Variants in MECOM observed in about 807,000 individuals in gnomAD.
MECOM encodes MDS1 and EVI1 complex locus, also known as histone-lysine N-methyltransferase MECOM.
A neutral mutation model predicts 116.3 loss-of-function variants in MECOM; 13 were observed. The ratio of observed to expected loss-of-function variants is 0.11; its 90% CI spans 0.07 to 0.18. MECOM has a LOEUF of 0.18. Ranked by LOEUF, MECOM falls within the 10% of genes least tolerant of loss-of-function variation. The pLI, the probability that MECOM is intolerant of heterozygous loss-of-function variation, is 1.00. For synonymous variants in MECOM, 528 were observed against 535.2 expected (o/e 0.99, Z 0.19); for missense variants, 1,299 against 1,509.0 (o/e 0.86, Z 2.31).
At chr3:169,363,195 C>G (rs974824032) in intron 2 of MECOM, among the ~76,000 whole-genome samples, 3 of 151,886 alleles carry the variant, frequency 2.0e-5, no homozygotes, top group African/African-American at 7.3e-5. Context: ...AGCTTTGAAA[C>G]CCTCTGACAA....
chr3:169,331,922 G>A (rs765882760), intron 2 of MECOM, among the ~76,000 whole-genome samples: 3 of 151,080 alleles, frequency 2.0e-5, no homozygotes, highest in Non-Finnish European at 2.9e-5. Flanking sequence ...AGTGAGATGC[G>A]TACTGGGATT....
At chr3:169,104,636 C>T (rs2148977326) in intron 10 of MECOM, among the ~76,000 whole-genome samples, 1 of 152,192 alleles carries the variant, frequency 6.6e-6, no homozygotes, top group East Asian at 1.9e-4. Context: ...TGCTGACATA[C>T]TCAGACTCCT....
intron 2 of MECOM, among the ~76,000 whole-genome samples, chr3:169,300,167 G>T (rs1416844173): frequency 6.6e-6 from 1 of 152,086 alleles, no homozygotes; most frequent in Non-Finnish European, 1.5e-5. Context: ...TCAGCCTATT[G>T]CCATGAAGTC....
At chr3:169,106,101 A>G (rs1725320344) in intron 10 of MECOM, among the ~76,000 whole-genome samples, 1 of 152,198 alleles carries the variant, frequency 6.6e-6, no homozygotes, top group Non-Finnish European at 1.5e-5. Flanking sequence ...TGACTTTATC[A>G]TAAAATAACT....
At chr3:169,644,804 G>A (rs1577256325) in intron 1 of MECOM, among the ~76,000 whole-genome samples, 1 of 152,266 alleles carries the variant, frequency 6.6e-6, no homozygotes, top group South Asian at 2.1e-4. Context: ...TCTCTCAGAG[G>A]TTTGTGCAAA....
intron 3 of MECOM, among the ~76,000 whole-genome samples, chr3:169,132,158 C>A (rs979574326): frequency 6.6e-6 from 1 of 152,176 alleles, no homozygotes; most frequent in Non-Finnish European, 1.5e-5. Context: ...TGAAAGTAGG[C>A]ATTATGCATT....
intron 1 of MECOM, among the ~76,000 whole-genome samples, chr3:169,412,172 G>T (rs1216678154): frequency 6.6e-6 from 1 of 151,488 alleles, no homozygotes; most frequent in Non-Finnish European, 1.5e-5. Flanking sequence ...TGTAATCCCA[G>T]CTACTTGGGA....
Position 169,663,520 on chromosome 3 carries a change from CTCTCTCT to C in MECOM, c.-155_-149del, listed in dbSNP as rs1560554212. The stretch of plus-strand genomic sequence containing the variant: ...TCTCTCTCTCTCTCTCTCTCTCTCT[CTCTCTCT>C]CTCCCTCCCTCCTGTTTCTCTCCTG... On this transcript the variant is annotated 5_prime_UTR_variant, in exon 1 of 17. Coordinates refer to ENST00000651503, the MANE Select transcript of MECOM (RefSeq NM_004991.4). The C allele has an allele frequency of 1.3e-4, 85 of 669,186 alleles. No individual in the cohort carries two copies. The highest frequency in any genetic ancestry group is 2.8e-4 in the South Asian group (15 of 54,086). 41.5% of individuals were successfully genotyped at this position (669,186 alleles called of 1,614,324 possible).
chr3:169,529,465 T>C (rs1186947909), intron 1 of MECOM, among the ~76,000 whole-genome samples: 1 of 152,184 alleles, frequency 6.6e-6, no homozygotes, highest in Non-Finnish European at 1.5e-5. Context: ...TTGCTAACAA[T>C]TGCCAAGGCT....
At chr3:169,518,943 C>G (rs1199284643) in intron 1 of MECOM, among the ~76,000 whole-genome samples, 1 of 152,156 alleles carries the variant, frequency 6.6e-6, no homozygotes, top group Non-Finnish European at 1.5e-5. Flanking sequence ...GAGGCCTCCC[C>G]AGCCATGTGG....
intron 1 of MECOM, among the ~76,000 whole-genome samples, chr3:169,458,985 T>C (rs1192783163): frequency 6.6e-6 from 1 of 152,200 alleles, no homozygotes; most frequent in Non-Finnish European, 1.5e-5. Context: ...CATTTAAACA[T>C]GTCTGAATGA....
rs1725176282 is a variant in MECOM at position 169,345,390 on chromosome 3, T to C, written c.375+35797A>G. ...GCTCCACAGGTTTGACCCAAGTTTT[T>C]CCCATTTTACTGTCTGAGCCAAACA... On this transcript the variant is annotated intron_variant, in intron 2 of 16. Transcript: ENST00000651503. Among the ~76,000 whole-genome samples, 3 of 152,248 alleles carry C rather than the reference T, an allele frequency of 2.0e-5. No individual in the cohort carries two copies. In the South Asian group the frequency reaches 6.2e-4, roughly 32 times the overall value.
intron 1 of MECOM, among the ~76,000 whole-genome samples, chr3:169,525,235 G>A (rs753009446): frequency 1.8e-4 from 27 of 152,140 alleles, no homozygotes; most frequent in Non-Finnish European, 7.4e-5. Context: ...GCTCCAGAGC[G>A]GTGGCAAGAA....
intron 1 of MECOM, among the ~76,000 whole-genome samples, chr3:169,472,514 AAAGGAAAGAAAAG>A (rs1158490956): frequency 1.1e-5 from 1 of 91,956 alleles, no homozygotes. Context: ...AAAGGAAAGG[AAAGGAAAGAAAAG>A]AAAAGAAAAG....
intron 1 of MECOM, among the ~76,000 whole-genome samples, chr3:169,453,792 G>A (rs1253911949): frequency 6.6e-6 from 1 of 152,088 alleles, no homozygotes; most frequent in East Asian, 1.9e-4. Flanking sequence ...ATTGTTTGAT[G>A]TTTTATTCTC....
At chr3:169,467,729 G>A (rs41495746) in intron 1 of MECOM, among the ~76,000 whole-genome samples, 3,456 of 152,238 alleles carry the variant, frequency 0.023, 58 homozygotes, top group Non-Finnish European at 0.035. Flanking sequence ...CGCTGACACT[G>A]AGGTTGTAAG....
intron 2 of MECOM, among the ~76,000 whole-genome samples, chr3:169,198,617 G>T (rs755749891): frequency 2.6e-5 from 4 of 151,328 alleles, no homozygotes; most frequent in African/African-American, 9.7e-5. Flanking sequence ...TTTTTCCTTC[G>T]CATACCTTAC....
At chr3:169,414,097 T>G (rs1403536794) in intron 1 of MECOM, among the ~76,000 whole-genome samples, 2 of 152,168 alleles carry the variant, frequency 1.3e-5, no homozygotes. Flanking sequence ...GAGAGGGAGA[T>G]ATCTCCCATC....
chr3:169,385,103 CAAAAAAAAA>C (rs751654546), intron 1 of MECOM, among the ~76,000 whole-genome samples: 1 of 81,328 alleles, frequency 1.2e-5, no homozygotes, highest in Non-Finnish European at 2.3e-5. Flanking sequence ...GACCCTGTCT[CAAAAAAAAA>C]AAAAAAAAAA....
Sources: gnomAD v4.1 joint callset for allele counts (sites outside exome capture counted in the v4.1 genomes callset) on GRCh38, gnomAD v4.1.1 for gene constraint, MANE v1.5 for transcripts, NCBI Gene and HGNC (gene_info 2026-07-23, HGNC 2026-07-21) for gene names.